Variants in FRMD4B observed in about 807,000 individuals in gnomAD.
FRMD4B encodes the protein FERM domain containing 4B, also known as FERM domain-containing protein 4B.
FRMD4B carries 74 observed loss-of-function variants against 141.5 expected under a neutral mutation model. That is an observed-to-expected ratio of 0.52 (90% CI 0.43 to 0.63). FRMD4B has a LOEUF of 0.63. FRMD4B is among the 30% of genes least tolerant of loss of function. The pLI is 0.00. For missense variants in FRMD4B, 1,366 were observed against 1,253.4 expected, an observed-to-expected ratio of 1.09 and a Z score of -1.36; for synonymous variants, 506 against 467.9, an observed-to-expected ratio of 1.08 and a Z score of -1.05.
intron 1 of FRMD4B, among the ~76,000 whole-genome samples, chr3:69,317,592 A>C (rs891659260): frequency 6.6e-6 from 1 of 151,748 alleles, no homozygotes; most frequent in Non-Finnish European, 1.5e-5. Context: ...GTCTCTACTA[A>C]AAAAATACAA....
At chr3:69,394,965 A>C (rs1223619943) in intron 2 of FRMD4B, among the ~76,000 whole-genome samples, 1 of 152,164 alleles carries the variant, frequency 6.6e-6, no homozygotes, top group African/African-American at 2.4e-5. Context: ...TAGTTGAACA[A>C]TGAGAACACC....
At chr3:69,298,992 A>G (rs1279173237) in intron 4 of FRMD4B, among the ~76,000 whole-genome samples, 1 of 151,996 alleles carries the variant, frequency 6.6e-6, no homozygotes, top group Non-Finnish European at 1.5e-5. Flanking sequence ...ACATAGCAGG[A>G]AATCAGCAAC....
At chr3:69,256,090 T>C (rs1002193347) in intron 5 of FRMD4B, among the ~76,000 whole-genome samples, 2 of 146,414 alleles carry the variant, frequency 1.4e-5, no homozygotes, top group Non-Finnish European at 3.0e-5. Flanking sequence ...CGGTGAGACC[T>C]GTCCTTAAAA....
At chr3:69,378,528 C>T (rs1053224880) in intron 1 of FRMD4B, among the ~76,000 whole-genome samples, 2 of 152,200 alleles carry the variant, frequency 1.3e-5, no homozygotes, top group African/African-American at 4.8e-5. Flanking sequence ...CACCAGGATC[C>T]TGGGGCTGTT....
chr3:69,357,823 C>T (rs1482543347), intron 1 of FRMD4B, among the ~76,000 whole-genome samples: 1 of 152,168 alleles, frequency 6.6e-6, no homozygotes, highest in Non-Finnish European at 1.5e-5. Flanking sequence ...CAGCTCATCT[C>T]CTCCTAAATT....
intron 7 of FRMD4B, among the ~76,000 whole-genome samples, 162 bp downstream of exon 7, chr3:69,249,064 A>G (rs552210779): frequency 6.6e-6 from 1 of 152,334 alleles, no homozygotes; most frequent in Admixed American, 6.5e-5. Flanking sequence ...TGATTCATTC[A>G]CAAAAAGAAT....
At chr3:69,200,831 T>C (rs1429955258) in intron 11 of FRMD4B, 1 of 487,532 alleles carries the variant, frequency 2.1e-6, no homozygotes, top group Non-Finnish European at 3.9e-6. Context: ...GAACAGGTTC[T>C]ACAGGAAGAG....
In FRMD4B at chr3:69,339,161, A is replaced by C. The variant is rs189305582; in HGVS notation, c.163-25644T>G. The stretch of plus-strand genomic sequence containing the variant: ...ATGGTGTTCTACTCAGTTTCCTTTC[A>C]TTTCCTTTATTTTTTTTTCCTATGA... On this transcript the variant is annotated intron_variant, in intron 1 of 22. Transcript: ENST00000398540. Among the ~76,000 whole-genome samples, 29 of 151,944 alleles carry C rather than the reference A, an allele frequency of 1.9e-4. No individual in the cohort carries two copies. In the East Asian group the frequency reaches 5.2e-3, roughly 27 times the overall value.
intron 1 of FRMD4B, among the ~76,000 whole-genome samples, chr3:69,481,060 G>A (rs7653793): frequency 0.017 from 2,596 of 152,222 alleles, 33 homozygotes; most frequent in East Asian, 0.067. Context: ...TAAGCCCGTC[G>A]GAAAAGCCCA....
At chr3:69,247,215 T>A (rs1265113423) in intron 7 of FRMD4B, among the ~76,000 whole-genome samples, 1 of 152,172 alleles carries the variant, frequency 6.6e-6, no homozygotes, top group East Asian at 1.9e-4. Context: ...ATGACAGTTT[T>A]ATGGGAAAGG....
At chr3:69,476,248 C>T (rs376348709) in intron 1 of FRMD4B, among the ~76,000 whole-genome samples, 10 of 151,842 alleles carry the variant, frequency 6.6e-5, no homozygotes, top group African/African-American at 2.2e-4. Context: ...TTGCCATTGC[C>T]TTTGGTGTTT....
intron 5 of FRMD4B, among the ~76,000 whole-genome samples, chr3:69,266,912 A>T (rs2093564657): frequency 6.6e-6 from 1 of 152,216 alleles, no homozygotes; most frequent in East Asian, 1.9e-4. Flanking sequence ...CCTCAACTCA[A>T]ACAAGACAGA....
chr3:69,200,544 A>G, intron 11 of FRMD4B: 1 of 1,110,136 alleles, frequency 9.0e-7, no homozygotes, highest in Non-Finnish European at 1.1e-6. Flanking sequence ...GGTGTAACTC[A>G]ATTTCACAAA....
chr3:69,411,163 C>A (rs1159080736), intron 2 of FRMD4B, among the ~76,000 whole-genome samples: 3 of 152,144 alleles, frequency 2.0e-5, no homozygotes, highest in African/African-American at 7.2e-5. Flanking sequence ...AACAATTTAT[C>A]CAGATTTGTA....
At chr3:69,340,061 G>C (rs1702685091) in intron 1 of FRMD4B, among the ~76,000 whole-genome samples, 1 of 152,120 alleles carries the variant, frequency 6.6e-6, no homozygotes, top group Non-Finnish European at 1.5e-5. Flanking sequence ...TCCTCTGTAA[G>C]ATCTCCTTTC....
rs2092566535 is a variant in FRMD4B at position 69,169,729 on chromosome 3, G to T, written c.*2132C>A. On this transcript the variant is annotated 3_prime_UTR_variant, in exon 23 of 23. Transcript: ENST00000398540. ...ATATTTGCCCTTTCAAGGCATGCTT[G>T]CAAGTGTAACCATACTATTTCAGGA... 6.6e-6 allele frequency among the ~76,000 whole-genome samples: 1 copy of T among 152,012 alleles called. No individual in the cohort carries two copies. The highest frequency in any genetic ancestry group is 6.6e-5 in the Admixed American group (1 of 15,260).
chr3:69,225,692 CTCAAAAAAAAAAAAA>C lies in FRMD4B; in HGVS notation c.582-1017_582-1003del, dbSNP rs1559732957. 7.4e-3 allele frequency among the ~76,000 whole-genome samples: 499 copies of C among 67,114 alleles called. 11 individuals are homozygous for C. The highest frequency in any genetic ancestry group is 0.02 in the Middle Eastern group (2 of 102). 44.0% of individuals were successfully genotyped at this position (67,114 alleles called of 152,430 possible). A position where few individuals can be genotyped will look rare whatever the true frequency, so the allele number is the denominator to read the frequency against. The stretch of plus-strand genomic sequence containing the variant: ...CCTTGGCGACAGAGCAAGACTCCGT[CTCAAAAAAAAAAAAA>C]AAAAAAAAAAAAAAAAAAAAAGAGG... On this transcript the variant is annotated intron_variant, in intron 7 of 22. Transcript: ENST00000398540.
At position 69,207,384 on chromosome 3, in the gene FRMD4B, A is replaced by C. The variant is rs148839616; in HGVS notation, c.877-8610T>G. On this transcript the variant is annotated intron_variant, in intron 11 of 22. Transcript: ENST00000398540. ...GCCTCTTCATAGAACTATTTTTTAC[A>C]GTGCTTTATGTACTAATTGCTTTTC... Among the ~76,000 whole-genome samples, 13 of 151,834 alleles carry C rather than the reference A, an allele frequency of 8.6e-5. No homozygotes were observed. The East Asian group carries it at 2.1e-3, about 25-fold the overall frequency.
At chr3:69,362,461 C>T (rs542429113) in intron 1 of FRMD4B, among the ~76,000 whole-genome samples, 3 of 152,248 alleles carry the variant, frequency 2.0e-5, no homozygotes, top group East Asian at 1.9e-4. Flanking sequence ...ACAACTATCA[C>T]GAAGTCAGGA....
Sources: gnomAD v4.1 joint callset for allele counts (sites outside exome capture counted in the v4.1 genomes callset) on GRCh38, gnomAD v4.1.1 for gene constraint, MANE v1.5 for transcripts, NCBI Gene and HGNC (gene_info 2026-07-23, HGNC 2026-07-21) for gene names.